The following TRHDE variants were observed in gnomAD, a reference collection of about 807,000 sequenced individuals.
The protein encoded by TRHDE is thyrotropin releasing hormone degrading enzyme.
A neutral mutation model predicts 125.7 loss-of-function variants in TRHDE; 72 were observed. That is an observed-to-expected ratio of 0.57 (90% CI 0.47 to 0.70). The LOEUF (loss-of-function observed/expected upper bound fraction) is 0.70. Among genes scored for constraint, TRHDE ranks in the 30% least tolerant of loss-of-function variants. The pLI is 0.00. For synonymous variants in TRHDE, 509 were observed against 509.1 expected, an observed-to-expected ratio of 1.00 and a Z score of 0.00; for missense variants, 1,110 against 1,327.1, an observed-to-expected ratio of 0.84 and a Z score of 2.54.
intron 13 of TRHDE, 66 bp from the exon 14 acceptor site, chr12:72,621,042 T>C: frequency 1.3e-6 from 1 of 755,166 alleles, no homozygotes; most frequent in Non-Finnish European, 2.2e-6. Flanking sequence ...TATTACAGAA[T>C]TTTAATTGTC....
intron 2 of TRHDE, among the ~76,000 whole-genome samples, chr12:72,238,468 G>A (rs989265728): frequency 1.2e-4 from 18 of 149,148 alleles, no homozygotes; most frequent in East Asian, 7.9e-4. Flanking sequence ...AGGTATGCAC[G>A]TGCCATGCTG....
At chr12:72,209,296 C>T (rs1038933088) in intron 2 of TRHDE, among the ~76,000 whole-genome samples, 3 of 152,316 alleles carry the variant, frequency 2.0e-5, no homozygotes, top group East Asian at 3.9e-4. Context: ...TCCCTCTGAC[C>T]ATATGCACTC....
chr12:72,262,928 A>G (rs979053922), intron 2 of TRHDE: 1 of 152,160 alleles, frequency 6.6e-6, no homozygotes, highest in East Asian at 1.9e-4. Flanking sequence ...AAATGTCAAG[A>G]AAATCTTTAG....
intron 2 of TRHDE, among the ~76,000 whole-genome samples, chr12:72,336,726 T>G (rs1869846196): frequency 6.6e-6 from 1 of 152,146 alleles, no homozygotes; most frequent in Non-Finnish European, 1.5e-5. Flanking sequence ...CCAGGAGATG[T>G]GCAAGAGCAA....
At chr12:72,508,589 T>C (rs1878452078) in intron 6 of TRHDE, among the ~76,000 whole-genome samples, 1 of 152,206 alleles carries the variant, frequency 6.6e-6, no homozygotes, top group African/African-American at 2.4e-5. Context: ...ACTAACTTGT[T>C]TGGATTTTAT....
At chr12:72,542,177 A>G in intron 6 of TRHDE, 114 bp from the exon 7 acceptor site, 1 of 650,602 alleles carries the variant, frequency 1.5e-6, no homozygotes, top group East Asian at 3.1e-5. Context: ...GCTGTTTCTT[A>G]ATTATTTTTG....
chr12:72,148,530 A>G (rs1474187604), intron 2 of TRHDE, among the ~76,000 whole-genome samples: 1 of 152,238 alleles, frequency 6.6e-6, no homozygotes, highest in African/African-American at 2.4e-5. Context: ...ACAGACTATA[A>G]CAGGTGGAGC....
chr12:72,368,492 C>T (rs750995531), intron 2 of TRHDE, among the ~76,000 whole-genome samples: 3 of 152,000 alleles, frequency 2.0e-5, no homozygotes, highest in Admixed American at 6.6e-5. Flanking sequence ...GACCTTGTTC[C>T]GCTGAGTCAC....
chr12:72,533,822 A>C (rs1306814471), intron 6 of TRHDE, among the ~76,000 whole-genome samples: 1 of 150,032 alleles, frequency 6.7e-6, no homozygotes, highest in Non-Finnish European at 1.5e-5. Context: ...GAATGCTTTC[A>C]TGCAAATGCT....
chr12:72,225,569 A>T (rs1269282200), intron 2 of TRHDE, among the ~76,000 whole-genome samples: 1 of 152,164 alleles, frequency 6.6e-6, no homozygotes, highest in African/African-American at 2.4e-5. Flanking sequence ...CCCAGTTTGG[A>T]AAAAATAATT....
At chr12:72,255,625 C>A (rs1485168531) in intron 2 of TRHDE, 1 of 152,200 alleles carries the variant, frequency 6.6e-6, no homozygotes, top group East Asian at 1.9e-4. Flanking sequence ...GAGAGAGGAA[C>A]AATCCCCGGG....
intron 3 of TRHDE, among the ~76,000 whole-genome samples, chr12:72,419,493 A>T (rs1873864561): frequency 6.6e-6 from 1 of 152,134 alleles, no homozygotes; most frequent in African/African-American, 2.4e-5. Flanking sequence ...AAAGAGGAGA[A>T]GGCATGTCAC....
In TRHDE at chr12:72,273,628, C is replaced by T. The variant is rs1356968806; in HGVS notation, c.914+71C>T. The T allele has an allele frequency of 2.1e-6, 3 of 1,426,798 alleles. No individual in the cohort carries two copies. Among genetic ancestry groups the T allele is most frequent in the Non-Finnish European group, 2.8e-6 (3 of 1,060,528 alleles). The allele number at this position is 1,426,798 out of a possible 1,614,324, so 88.4% of individuals were successfully genotyped here. A position where few individuals can be genotyped will look rare whatever the true frequency, so the allele number is the denominator to read the frequency against. On this transcript the variant is annotated intron_variant, in intron 1 of 18. Transcript: ENST00000261180. This position sits in a 1 kb window ranked among gnomAD's most constrained non-coding sequence, Gnocchi z 5.3. ...GCTCGAACCTCTGGGCGGCCTGCGACCCCGGGGACCCAGCTGGCTTCCAAT... is the reference window on the plus strand; with the variant it reads ...GCTCGAACCTCTGGGCGGCCTGCGATCCCGGGGACCCAGCTGGCTTCCAAT...
At chr12:72,165,453 A>G (rs1238749008) in intron 2 of TRHDE, among the ~76,000 whole-genome samples, 2 of 152,100 alleles carry the variant, frequency 1.3e-5, no homozygotes, top group Non-Finnish European at 2.9e-5. Context: ...AACTGCCACT[A>G]CGGTCTACTT....
intron 7 of TRHDE, 96 bp from the exon 8 acceptor site, chr12:72,562,066 TATA>T (rs1870204447): frequency 1.8e-6 from 1 of 569,382 alleles, no homozygotes; most frequent in African/African-American, 1.9e-5. Flanking sequence ...TTTTTATTAA[TATA>T]ATTCCAACAA....
At chr12:72,465,115 A>C (rs1876307018) in intron 3 of TRHDE, among the ~76,000 whole-genome samples, 1 of 152,214 alleles carries the variant, frequency 6.6e-6, no homozygotes, top group African/African-American at 2.4e-5. Flanking sequence ...TCTCATAACA[A>C]ATTTCTTTTG....
At chr12:72,294,101 G>C (rs1222473094) in intron 2 of TRHDE, among the ~76,000 whole-genome samples, 1 of 152,318 alleles carries the variant, frequency 6.6e-6, no homozygotes, top group South Asian at 2.1e-4. Context: ...GGGAGTCACA[G>C]CCCTGGCTCA....
At chr12:72,191,076 A>C (rs1429392156) in intron 2 of TRHDE, among the ~76,000 whole-genome samples, 1 of 152,230 alleles carries the variant, frequency 6.6e-6, no homozygotes, top group African/African-American at 2.4e-5. Flanking sequence ...ATTGAGCCAG[A>C]ATAAATAACT....
chr12:72,469,714 G>T (rs1437686878), intron 3 of TRHDE, 44 bp from the exon 4 acceptor site: 1 of 1,580,150 alleles, frequency 6.3e-7, no homozygotes, highest in African/African-American at 1.4e-5. Flanking sequence ...TCAGAATCTG[G>T]TGTCTTTGTT....
Sources: gnomAD v4.1 joint callset for allele counts (sites outside exome capture counted in the v4.1 genomes callset) on GRCh38, gnomAD v4.1.1 for gene constraint, Gnocchi (gnomAD v3.1) non-coding constraint, MANE v1.5 for transcripts, NCBI Gene and HGNC (gene_info 2026-07-23, HGNC 2026-07-21) for gene names.